PLSCR5: variants seen among roughly 807,000 people sequenced by gnomAD.
PLSCR5 encodes the protein phospholipid scramblase family, member 5.
PLSCR5 carries 44 observed loss-of-function variants against 33.6 expected under a neutral mutation model. The observed-to-expected ratio is 1.31, with a 90% confidence interval of 1.03 to 1.69. The LOEUF (loss-of-function observed/expected upper bound fraction) is 1.69. Among genes scored for constraint, PLSCR5 ranks in the 40% most tolerant of loss-of-function variants. The pLI is 0.00. For synonymous variants in PLSCR5, 148 were observed against 112.3 expected, an observed-to-expected ratio of 1.32 and a Z score of -2.01; for missense variants, 375 against 318.7, an observed-to-expected ratio of 1.18 and a Z score of -1.34.
At chr3:146,578,429 G>A (rs1001619946) in intron 7 of PLSCR5, among the ~76,000 whole-genome samples, 4 of 151,916 alleles carry the variant, frequency 2.6e-5, no homozygotes, top group Admixed American at 1.3e-4. Flanking sequence ...ATTAATTCAG[G>A]TCTTAAAGGA....
At chr3:146,581,111 T>G (rs2044630335), downstream of PLSCR5, among the ~76,000 whole-genome samples, 1 of 152,212 alleles carries the variant, frequency 6.6e-6, no homozygotes, top group African/African-American at 2.4e-5. Flanking sequence ...TTTAGTCCAG[T>G]GAATAGATTC....
intron 2 of PLSCR5, among the ~76,000 whole-genome samples, chr3:146,600,000 C>A (rs117478361): frequency 1.3e-5 from 2 of 152,006 alleles, no homozygotes; most frequent in African/African-American, 4.8e-5. Context: ...TTACTGACAC[C>A]TTGAACAATG....
chr3:146,590,997 G>T (rs201079658), intron 5 of PLSCR5, among the ~76,000 whole-genome samples: 173 of 141,830 alleles, frequency 1.2e-3, no homozygotes, highest in Middle Eastern at 3.7e-3. Flanking sequence ...GTTTTTTTTT[G>T]TTTTTTTTTT....
intron 2 of PLSCR5, among the ~76,000 whole-genome samples, chr3:146,597,182 A>G (rs188778477): frequency 2.0e-5 from 3 of 152,330 alleles, no homozygotes; most frequent in Non-Finnish European, 4.4e-5. Context: ...CCACCTGACA[A>G]TGAAAAAGTA....
chr3:146,591,347 C>T (rs951287566), intron 5 of PLSCR5, among the ~76,000 whole-genome samples: 15 of 152,090 alleles, frequency 9.9e-5, no homozygotes, highest in South Asian at 2.1e-4. Context: ...AACACATTTA[C>T]TATTCTAATC....
chr3:146,578,868 G>A (rs555879932), intron 7 of PLSCR5, among the ~76,000 whole-genome samples: 1 of 152,014 alleles, frequency 6.6e-6, no homozygotes, highest in East Asian at 1.9e-4. Context: ...GCCTTGAAAT[G>A]CATTTTCAAT....
In PLSCR5 at chr3:146,593,950, G is replaced by C; in HGVS notation, c.423C>G (p.Asn141Lys). 1.2e-6 allele frequency: 2 copies of C among 1,613,698 alleles called. No individual in the cohort carries two copies. The highest frequency in any genetic ancestry group is 2.2e-5 in the East Asian group (1 of 44,864). Residue 141 changes from asparagine (N) to lysine (K), a missense_variant, in exon 4 of 8, where the codon AAC becomes AAG. Asn to Lys is a moderately conservative substitution (Grantham distance 94). Coordinates refer to ENST00000443512, the MANE Select transcript of PLSCR5 (RefSeq NM_001085420.2). The stretch of plus-strand genomic sequence containing the variant: ...GTAGGTAGCAAGGGCACCAGCAGCT[G>C]TTACATCTCAAGGGCCTGTTCACTG... ...VITVNRPLRC[N>K]SCWCPCYLQE...
intron 1 of PLSCR5, among the ~76,000 whole-genome samples, chr3:146,604,488 T>C (rs2107862187): frequency 6.6e-6 from 1 of 152,260 alleles, no homozygotes; most frequent in East Asian, 1.9e-4. Flanking sequence ...CATAAGGAAA[T>C]TTCAAGATAT....
chr3:146,585,174 T>C (rs771293280), downstream of PLSCR5, among the ~76,000 whole-genome samples: 3 of 152,150 alleles, frequency 2.0e-5, no homozygotes, highest in Non-Finnish European at 4.4e-5. Flanking sequence ...TGTACTGGAC[T>C]CTTTTACTTC....
intron 2 of PLSCR5, among the ~76,000 whole-genome samples, chr3:146,599,225 C>T (rs962000267): frequency 6.6e-6 from 1 of 152,150 alleles, no homozygotes; most frequent in Non-Finnish European, 1.5e-5. Flanking sequence ...TTGAATCCTG[C>T]CTACTTTACA....
At chr3:146,586,237 T>C in intron 6 of PLSCR5, 125 bp from the exon 7 acceptor site, 1 of 972,462 alleles carries the variant, frequency 1.0e-6, no homozygotes, top group Admixed American at 4.4e-5. Flanking sequence ...AGTATTATGA[T>C]TTAACAGAAG....
At chr3:146,590,941 A>G (rs2044707940) in intron 5 of PLSCR5, among the ~76,000 whole-genome samples, 1 of 151,216 alleles carries the variant, frequency 6.6e-6, no homozygotes, top group Non-Finnish European at 1.5e-5. Flanking sequence ...CAAATTTACA[A>G]CTTTCTATTT....
intron 7 of PLSCR5, among the ~76,000 whole-genome samples, chr3:146,580,726 G>C (rs1376682526): frequency 6.6e-6 from 1 of 152,152 alleles, no homozygotes; most frequent in Non-Finnish European, 1.5e-5. Flanking sequence ...GCCTCTCAAA[G>C]TGCTGGGATT....
downstream of PLSCR5, among the ~76,000 whole-genome samples, chr3:146,581,976 G>C (rs1279366620): frequency 6.6e-6 from 1 of 152,142 alleles, no homozygotes; most frequent in Non-Finnish European, 1.5e-5. Flanking sequence ...TAGTTGAAAA[G>C]ATACCCACTT....
intron 2 of PLSCR5, among the ~76,000 whole-genome samples, chr3:146,598,441 T>C (rs940778900): frequency 6.6e-6 from 1 of 152,190 alleles, no homozygotes; most frequent in African/African-American, 2.4e-5. Flanking sequence ...CCTTTAGAAG[T>C]AGAATATTCA....
At chr3:146,578,122 G>A (rs2044610350) in intron 7 of PLSCR5, among the ~76,000 whole-genome samples, 1 of 151,960 alleles carries the variant, frequency 6.6e-6, no homozygotes, top group Admixed American at 6.6e-5. Context: ...ATATTGAAGA[G>A]GCAATGAAAT....
intron 5 of PLSCR5, 179 bp from the exon 6 acceptor site, chr3:146,589,993 A>G: frequency 2.3e-6 from 1 of 428,416 alleles, no homozygotes; most frequent in Admixed American, 4.4e-5. Flanking sequence ...TTTTCAGTTT[A>G]CTTTTTAGAA....
In PLSCR5 at chr3:146,593,923, T is replaced by A; in HGVS notation, c.450A>T (p.Gln150His). ...CNSCWCPCYL[Q>H]ELEIQAPPGT... is the part of the protein sequence containing the mutation. The stretch of plus-strand genomic sequence containing the variant: ...ACAACCAGAGCCAGTAACTAACCTC[T>A]TGTAGGTAGCAAGGGCACCAGCAGC... The change falls in exon 4 of 8, where the codon CAA (glutamine) becomes CAT (histidine). Residue 150 changes from glutamine to histidine, a missense_variant. Physicochemically the swap from Gln to His is conservative, Grantham distance 24. Coordinates refer to ENST00000443512, the MANE Select transcript of PLSCR5 (RefSeq NM_001085420.2). 1 of 1,613,418 alleles carries A rather than the reference T, an allele frequency of 6.2e-7. No homozygotes were observed. The highest frequency in any genetic ancestry group is 8.5e-7 in the Non-Finnish European group (1 of 1,179,426).
chr3:146,585,255 C>A (rs2044658467), downstream of PLSCR5, among the ~76,000 whole-genome samples: 1 of 152,042 alleles, frequency 6.6e-6, no homozygotes. Context: ...CTTGAGTTGT[C>A]TATTTTTCAG....
Sources: gnomAD v4.1 joint callset for allele counts (sites outside exome capture counted in the v4.1 genomes callset) on GRCh38, gnomAD v4.1.1 for gene constraint, MANE v1.5 for transcripts, NCBI Gene and HGNC (gene_info 2026-07-23, HGNC 2026-07-21) for gene names.